The following PSME3IP1 variants were observed in gnomAD, a reference collection of about 807,000 sequenced individuals.
PSME3IP1 encodes the protein PSME3-interacting protein.
PSME3IP1 carries 13 observed loss-of-function variants against 34.1 expected under a neutral mutation model. That is an observed-to-expected ratio of 0.38 (90% confidence interval 0.25 to 0.61). PSME3IP1 has a LOEUF of 0.61. Ranked by LOEUF, PSME3IP1 falls within the 20% of genes least tolerant of loss-of-function variation. The pLI is 0.60. For missense variants in PSME3IP1, 237 were observed against 301.4 expected, an observed-to-expected ratio of 0.79 and a Z score of 1.58; for synonymous variants, 93 against 114.3, an observed-to-expected ratio of 0.81 and a Z score of 1.19.
At chr16:57,166,304 A>G (rs1340534792) in intron 5 of PSME3IP1, among the ~76,000 whole-genome samples, 3 of 152,206 alleles carry the variant, frequency 2.0e-5, no homozygotes, top group Non-Finnish European at 2.9e-5. Flanking sequence ...CTCTGATGAC[A>G]TTTCAGGATT....
chr16:57,172,082 C>A (rs2072649575), intron 4 of PSME3IP1, among the ~76,000 whole-genome samples, 169 bp downstream of exon 4: 1 of 152,168 alleles, frequency 6.6e-6, no homozygotes, highest in African/African-American at 2.4e-5. Context: ...ACAACACAAA[C>A]TCCACAAACC....
chr16:57,155,903 A>G (rs2070464424), intron 6 of PSME3IP1, among the ~76,000 whole-genome samples: 1 of 151,680 alleles, frequency 6.6e-6, no homozygotes, highest in Non-Finnish European at 1.5e-5. Flanking sequence ...CCAGGAGTTC[A>G]AGGTTACAGT....
intron 1 of PSME3IP1, chr16:57,185,419 C>T (rs1474429648): frequency 1.3e-6 from 1 of 742,112 alleles, no homozygotes; most frequent in Non-Finnish European, 1.6e-6. Context: ...GCTTCCCATC[C>T]TGCACTGCCA....
intron 1 of PSME3IP1, chr16:57,181,552 A>AC (rs1341140518): frequency 6.6e-6 from 1 of 152,120 alleles, no homozygotes; most frequent in Non-Finnish European, 1.5e-5. Flanking sequence ...GACACTACCT[A>AC]CCTGGATGGA....
intron 1 of PSME3IP1, among the ~76,000 whole-genome samples, chr16:57,176,588 CT>C (rs1567435584): frequency 6.6e-6 from 1 of 152,228 alleles, no homozygotes; most frequent in East Asian, 1.9e-4. Context: ...GTTCAATCCA[CT>C]GGGACTATAC....
intron 1 of PSME3IP1, chr16:57,181,588 G>C (rs1247571709): frequency 2.0e-5 from 3 of 152,178 alleles, no homozygotes; most frequent in Non-Finnish European, 4.4e-5. Context: ...CATAGGTTGA[G>C]GGGTGAGTCC....
intron 6 of PSME3IP1, among the ~76,000 whole-genome samples, chr16:57,161,189 C>T (rs1455659553): frequency 6.6e-6 from 1 of 152,188 alleles, no homozygotes; most frequent in Non-Finnish European, 1.5e-5. Flanking sequence ...AAATTCGAGA[C>T]TCCAAATAGC....
intron 1 of PSME3IP1, chr16:57,185,401 A>G (rs1159252333): frequency 1.5e-6 from 1 of 650,968 alleles, no homozygotes; most frequent in Non-Finnish European, 1.9e-6. Context: ...ATGGCACACA[A>G]TAAATGTGCT....
In PSME3IP1 at chr16:57,161,456, T is replaced by A. The variant is rs59677515; in HGVS notation, c.547+2545A>T. ...TGTGAATTATACCTCAATACTTTTT[T>A]AAAAAAAAGCCATAGTAGCCAAATA... On this transcript the variant is annotated intron_variant, in intron 6 of 6. Coordinates refer to ENST00000309137, the MANE Select transcript of PSME3IP1 (RefSeq NM_024946.4). 6.0e-3 allele frequency among the ~76,000 whole-genome samples: 905 copies of A among 151,598 alleles called. 10 individuals are homozygous for A. The highest frequency in any genetic ancestry group is 0.021 in the African/African-American group (848 of 41,294).
chr16:57,163,081 C>T (rs2071454679), intron 6 of PSME3IP1, among the ~76,000 whole-genome samples: 1 of 152,130 alleles, frequency 6.6e-6, no homozygotes, highest in South Asian at 2.1e-4. Context: ...AGGAGAATTA[C>T]TTGAGCCCAG....
chr16:57,172,188 C>G, intron 4 of PSME3IP1, 63 bp downstream of exon 4: 1 of 1,579,240 alleles, frequency 6.3e-7, no homozygotes, highest in Non-Finnish European at 8.7e-7. Flanking sequence ...GAGGAGACAA[C>G]ATCCATAGAT....
chr16:57,154,336 A>G lies in PSME3IP1; in HGVS notation c.719T>C (p.Ile240Thr). ...GTTGGTTCGGAAGATGGAGGAGACA[A>G]TCTTTCCGGTGGCATTGATGGTGCC... Reference protein sequence around the residue: ...SEGTINATGKIVSSIFRTNTF... With the variant: ...SEGTINATGKTVSSIFRTNTF... The change falls in exon 7 of 7, where the codon ATT (isoleucine) becomes ACT (threonine). Residue 240 changes from isoleucine to threonine, a missense_variant. Physicochemically the swap from Ile to Thr is moderately conservative, Grantham distance 89. Coordinates refer to ENST00000309137, the MANE Select transcript of PSME3IP1 (RefSeq NM_024946.4). This position sits in a 1 kb window ranked among gnomAD's most constrained non-coding sequence, Gnocchi z 4.0. 5 of 1,614,034 alleles carry G rather than the reference A, an allele frequency of 3.1e-6. No individual in the cohort carries two copies. In the South Asian group the frequency reaches 4.4e-5, roughly 14 times the overall value.
At chr16:57,179,114 T>G (rs1250204016) in intron 1 of PSME3IP1, among the ~76,000 whole-genome samples, 1 of 152,244 alleles carries the variant, frequency 6.6e-6, no homozygotes, top group Admixed American at 6.5e-5. Flanking sequence ...GCTTACTTTG[T>G]CCTTACTGTG....
chr16:57,164,787 G>A (rs1482398580), intron 5 of PSME3IP1, among the ~76,000 whole-genome samples: 4 of 152,020 alleles, frequency 2.6e-5, no homozygotes, highest in Admixed American at 1.3e-4. Context: ...ATCCCAGCAC[G>A]TTGGGAGGCC....
intron 1 of PSME3IP1, among the ~76,000 whole-genome samples, chr16:57,183,790 A>AT (rs2073929497): frequency 2.0e-5 from 3 of 152,222 alleles, no homozygotes; most frequent in Non-Finnish European, 4.4e-5. Flanking sequence ...CCTTTATGAG[A>AT]TAACAGAAAC....
chr16:57,183,018 A>G (rs2073873834), intron 1 of PSME3IP1, among the ~76,000 whole-genome samples: 1 of 152,236 alleles, frequency 6.6e-6, no homozygotes, highest in South Asian at 2.1e-4. Context: ...ATTCAGTAAA[A>G]GACATAAGGT....
intron 4 of PSME3IP1, among the ~76,000 whole-genome samples, chr16:57,171,053 A>G (rs1488679524): frequency 3.3e-5 from 5 of 150,122 alleles, no homozygotes; most frequent in African/African-American, 1.2e-4. Context: ...AGCCTGGGCA[A>G]CAAGAGAGAA....
At chr16:57,166,558 C>T (rs1013137893) in intron 5 of PSME3IP1, among the ~76,000 whole-genome samples, 3 of 152,154 alleles carry the variant, frequency 2.0e-5, no homozygotes, top group Admixed American at 1.3e-4. Context: ...TTCCCCCAAC[C>T]TCCCCAACAT....
intron 6 of PSME3IP1, among the ~76,000 whole-genome samples, chr16:57,158,642 T>C (rs962796370): frequency 6.6e-6 from 1 of 152,154 alleles, no homozygotes; most frequent in African/African-American, 2.4e-5. Context: ...TATAGATCAG[T>C]TACCTAGAAA....
Sources: allele counts gnomAD v4.1 joint callset (sites outside exome capture counted in the v4.1 genomes callset), GRCh38; gene constraint gnomAD v4.1.1; non-coding constraint Gnocchi (gnomAD v3.1); transcripts MANE v1.5; gene names NCBI Gene and HGNC (gene_info 2026-07-23, HGNC 2026-07-21).